The following CHRM3 variants were observed in gnomAD, a reference collection of about 807,000 sequenced individuals.
CHRM3 encodes the protein muscarinic acetylcholine receptor M3.
A neutral mutation model predicts 41.8 loss-of-function variants in CHRM3; 11 were observed. The observed-to-expected ratio is 0.26, with a 90% confidence interval of 0.17 to 0.44. The LOEUF is 0.44. Among genes scored for constraint, CHRM3 ranks in the 20% least tolerant of loss-of-function variants. CHRM3 has a pLI of 1.00. For synonymous variants in CHRM3, 297 were observed against 301.4 expected (o/e 0.99, Z 0.15); for missense variants, 571 against 745.4 (o/e 0.77, Z 2.72).
intron 4 of CHRM3, among the ~76,000 whole-genome samples, chr1:239,656,364 G>T (rs989837677): frequency 4.0e-5 from 6 of 151,420 alleles, no homozygotes; most frequent in African/African-American, 1.5e-4. Flanking sequence ...GCTCATGCCT[G>T]CAATCCCAAC....
intron 5 of CHRM3, among the ~76,000 whole-genome samples, chr1:239,789,176 G>A (rs1040215423): frequency 6.6e-6 from 1 of 152,114 alleles, no homozygotes; most frequent in Non-Finnish European, 1.5e-5. Flanking sequence ...TCATTGGAGG[G>A]TACTAGACCA....
chr1:239,499,209 A>C (rs1668068415), intron 2 of CHRM3, among the ~76,000 whole-genome samples: 1 of 152,150 alleles, frequency 6.6e-6, no homozygotes, highest in South Asian at 2.1e-4. Flanking sequence ...TTCTGGATTT[A>C]GGAGATCATT....
intron 5 of CHRM3, among the ~76,000 whole-genome samples, chr1:239,824,989 A>T (rs1672338321): frequency 6.6e-6 from 1 of 152,224 alleles, no homozygotes; most frequent in African/African-American, 2.4e-5. Context: ...TTAGCAGTTC[A>T]TGCATTCATT....
intron 5 of CHRM3, among the ~76,000 whole-genome samples, chr1:239,808,626 G>A (rs1391847550): frequency 6.6e-6 from 1 of 152,174 alleles, no homozygotes; most frequent in Admixed American, 6.5e-5. Context: ...TTCGTGATAA[G>A]CCCTACCGCT....
In CHRM3 at chr1:239,662,893, C is replaced by CTCCTCTTCTTCTTCT. The variant is rs377732277; in HGVS notation, c.-249-15291_-249-15290insCTCTTCTTCTTCTTC. Among the ~76,000 whole-genome samples the CTCCTCTTCTTCTTCT allele has an allele frequency of 1.4e-3, 67 of 46,374 alleles. 1 individual carries two copies. The highest frequency in any genetic ancestry group is 8.1e-3 in the South Asian group (12 of 1,474). 30.4% of individuals were successfully genotyped at this position (46,374 alleles called of 152,430 possible). A position where few individuals can be genotyped will look rare whatever the true frequency, so the allele number is the denominator to read the frequency against. On this transcript the variant is annotated intron_variant, in intron 4 of 6. Transcript: ENST00000676153. ...TCTCCTCTTTCTCCTCTTCCTCCTCCTCTTCTTCTTCTTCTTCTTCTTCTT... is the reference window on the plus strand; with the variant it reads ...TCTCCTCTTTCTCCTCTTCCTCCTCCTCCTCTTCTTCTTCTTCTTCTTCTTCTTCTTCTTCTTCTT...
At chr1:239,674,553 CA>C (rs556104358) in intron 4 of CHRM3, among the ~76,000 whole-genome samples, 183 of 151,464 alleles carry the variant, frequency 1.2e-3, no homozygotes, top group African/African-American at 4.3e-3. Flanking sequence ...ACTGAAAATA[CA>C]AAAAAATTAG....
chr1:239,481,755 G>T (rs796899822), intron 1 of CHRM3, among the ~76,000 whole-genome samples: 1 of 152,090 alleles, frequency 6.6e-6, no homozygotes, highest in Non-Finnish European at 1.5e-5. Flanking sequence ...CTAGGGGCTG[G>T]GATACAAGGT....
chr1:239,750,568 T>C (rs916553265), intron 5 of CHRM3, among the ~76,000 whole-genome samples: 2 of 152,214 alleles, frequency 1.3e-5, no homozygotes, highest in South Asian at 2.1e-4. Context: ...ACTTAGATTA[T>C]AGTGAACTGT....
At chr1:239,511,840 G>A (rs751632324) in intron 2 of CHRM3, among the ~76,000 whole-genome samples, 3 of 152,146 alleles carry the variant, frequency 2.0e-5, no homozygotes, top group African/African-American at 4.8e-5. Flanking sequence ...GAATAGATCC[G>A]GAAAGCAAAT....
chr1:239,438,973 T>C (rs1663491616), intron 1 of CHRM3, among the ~76,000 whole-genome samples: 1 of 152,154 alleles, frequency 6.6e-6, no homozygotes, highest in African/African-American at 2.4e-5. Context: ...TGCAAACTGG[T>C]TTCCTTCATG....
chr1:239,637,044 A>T (rs991956819), intron 4 of CHRM3, among the ~76,000 whole-genome samples: 1 of 152,236 alleles, frequency 6.6e-6, no homozygotes, highest in East Asian at 1.9e-4. Flanking sequence ...AATAAAAAGT[A>T]TTGGGAGGAA....
At chr1:239,894,954 G>A (rs2102969263) in intron 6 of CHRM3, among the ~76,000 whole-genome samples, 1 of 152,284 alleles carries the variant, frequency 6.6e-6, no homozygotes. Context: ...AGACCCTCTG[G>A]TGCCTTCAGT....
At chr1:239,881,634 C>T (rs889358593) in intron 6 of CHRM3, among the ~76,000 whole-genome samples, 21 of 152,276 alleles carry the variant, frequency 1.4e-4, no homozygotes, top group African/African-American at 4.8e-4. Flanking sequence ...AAGCCAGGGA[C>T]TTGGAACCCA....
intron 6 of CHRM3, among the ~76,000 whole-genome samples, chr1:239,859,419 G>GTTTTTT (rs36006673): frequency 1.0e-5 from 1 of 97,488 alleles, no homozygotes; most frequent in African/African-American, 4.2e-5. Flanking sequence ...TGTTGTTGTT[G>GTTTTTT]TTTTTTTTTT....
At chr1:239,665,894 C>T (rs1321618743) in intron 4 of CHRM3, among the ~76,000 whole-genome samples, 17 of 152,196 alleles carry the variant, frequency 1.1e-4, no homozygotes, top group Admixed American at 1.0e-3. Flanking sequence ...ATATGTGCCA[C>T]ATTTTCTTTA....
At chr1:239,444,236 CTATTT>C (rs1377972862) in intron 1 of CHRM3, among the ~76,000 whole-genome samples, 1 of 152,160 alleles carries the variant, frequency 6.6e-6, no homozygotes, top group East Asian at 1.9e-4. Context: ...CCATCCTATT[CTATTT>C]TAACTGTCTC....
At chr1:239,819,664 A>G (rs1671876522) in intron 5 of CHRM3, among the ~76,000 whole-genome samples, 1 of 152,194 alleles carries the variant, frequency 6.6e-6, no homozygotes, top group African/African-American at 2.4e-5. Context: ...TCATTAAAGA[A>G]GCTCGTATGG....
intron 6 of CHRM3, among the ~76,000 whole-genome samples, chr1:239,881,463 G>C (rs1231940938): frequency 6.6e-6 from 1 of 151,854 alleles, no homozygotes; most frequent in Non-Finnish European, 1.5e-5. Context: ...AGTTGATTGG[G>C]GCTCCATCCA....
rs577966249 is a variant in CHRM3, at chr1:239,511,457, T to C, written c.-422+18650T>C. Among the ~76,000 whole-genome samples the C allele has an allele frequency of 2.0e-5, 3 of 152,342 alleles. No individual in the cohort carries two copies. In the East Asian group the frequency reaches 5.8e-4, roughly 29 times the overall value. On this transcript the variant is annotated intron_variant, in intron 2 of 6. Coordinates refer to ENST00000676153, the MANE Select transcript of CHRM3 (RefSeq NM_001375978.1). ...TTTTCCCTCTGGTGAGATTAAGTTT[T>C]TAAAGGATTGAAAAACAAAAGTATC...
Sources: gnomAD v4.1 joint callset for allele counts (sites outside exome capture counted in the v4.1 genomes callset) on GRCh38, gnomAD v4.1.1 for gene constraint, MANE v1.5 for transcripts, NCBI Gene and HGNC (gene_info 2026-07-23, HGNC 2026-07-21) for gene names.